POLR1A: variants seen among roughly 807,000 people sequenced by gnomAD.
POLR1A encodes RNA polymerase I subunit A, also known as DNA-directed RNA polymerase I subunit RPA1.
Under a neutral mutation model 205.3 loss-of-function variants are expected in POLR1A, and 84 were observed. That is an observed-to-expected ratio of 0.41 (90% confidence interval 0.34 to 0.49). The LOEUF is 0.49. POLR1A is among the 20% of genes least tolerant of loss of function. The pLI is 0.22. For synonymous variants in POLR1A, 799 were observed against 863.7 expected, an observed-to-expected ratio of 0.93 and a Z score of 1.31; for missense variants, 1,645 against 2,204.5, an observed-to-expected ratio of 0.75 and a Z score of 5.08.
At chr2:86,079,883 A>T (rs1451145053) in intron 9 of POLR1A, among the ~76,000 whole-genome samples, 1 of 152,164 alleles carries the variant, frequency 6.6e-6, no homozygotes. Context: ...TTTTTAAGGG[A>T]CATCAACCCT....
At chr2:86,092,483 G>A (rs892962363) in intron 3 of POLR1A, among the ~76,000 whole-genome samples, 1 of 152,236 alleles carries the variant, frequency 6.6e-6, no homozygotes, top group South Asian at 2.1e-4. Context: ...ACACTGCCCT[G>A]CTGGCATACT....
intron 3 of POLR1A, among the ~76,000 whole-genome samples, chr2:86,095,127 C>T (rs1161589086): frequency 1.3e-5 from 2 of 152,246 alleles, no homozygotes; most frequent in African/African-American, 4.8e-5. Context: ...TGCAGGGACA[C>T]CCTTCCCACG....
rs371198043 is a variant in POLR1A at position 86,031,391 on chromosome 2, C to A, written c.4517G>T (p.Arg1506Leu). ...GTCATCTATGAACGGGTGGATCTCA[C>A]GCACAGCCTGGACCCGGCGCTCCAT... is the stretch of plus-strand genomic sequence containing the variant. ...EAMERRVQAVREIHPFIDDYQ... is the reference protein window; with the variant it reads ...EAMERRVQAVLEIHPFIDDYQ... The change falls in exon 30 of 34, where the codon CGT becomes CTT. Residue 1506 changes from arginine (R) to leucine (L), a missense_variant. Arg to Leu is a moderately radical substitution (Grantham distance 102, BLOSUM62 -2). Coordinates refer to ENST00000263857, the MANE Select transcript of POLR1A (RefSeq NM_015425.6). 7.5e-6 allele frequency: 12 copies of A among 1,607,668 alleles called. No individual in the cohort carries two copies. The African/African-American group carries it at 1.5e-4, about 20-fold the overall frequency.
At chr2:86,102,323 T>A (rs570035829) in intron 1 of POLR1A, among the ~76,000 whole-genome samples, 20 of 152,362 alleles carry the variant, frequency 1.3e-4, no homozygotes, top group Admixed American at 6.5e-4. Flanking sequence ...TTTCTGATAG[T>A]AGCACCCTAC....
chr2:86,083,219 T>C (rs758740069), intron 6 of POLR1A, 51 bp from the exon 7 acceptor site: 1 of 1,233,354 alleles, frequency 8.1e-7, no homozygotes, highest in South Asian at 1.2e-5. Context: ...ACAGGTACTC[T>C]TTCTGCAATG....
At chr2:86,053,959 C>T (rs1029981963) in intron 15 of POLR1A, among the ~76,000 whole-genome samples, 181 bp downstream of exon 15, 2 of 152,206 alleles carry the variant, frequency 1.3e-5, no homozygotes, top group African/African-American at 2.4e-5. Flanking sequence ...GGGTCAAATG[C>T]TGGAGATCAA....
At chr2:86,066,293 G>C (rs918857) in intron 13 of POLR1A, among the ~76,000 whole-genome samples, 20,192 of 152,072 alleles carry the variant, frequency 0.13, 4,471 homozygotes, top group African/African-American at 0.46. Context: ...CACAGCACAG[G>C]GTTCATGGTG....
intron 3 of POLR1A, 50 bp downstream of exon 3, chr2:86,098,561 C>G: frequency 2.5e-6 from 4 of 1,590,380 alleles, no homozygotes; most frequent in Non-Finnish European, 3.4e-6. Flanking sequence ...CTCTTGTTCC[C>G]CACACCACTT....
At chr2:86,058,074 ACTCTACTCTACTCT>A (rs1256032068) in intron 14 of POLR1A, among the ~76,000 whole-genome samples, 1 of 151,654 alleles carries the variant, frequency 6.6e-6, no homozygotes, top group African/African-American at 2.4e-5. Flanking sequence ...ATGCCCAGCT[ACTCTACTCTACTCT>A]CTCTACTCTA....
At chr2:86,093,497 CT>C (rs1673646341) in intron 3 of POLR1A, among the ~76,000 whole-genome samples, 1 of 152,110 alleles carries the variant, frequency 6.6e-6, no homozygotes, top group Non-Finnish European at 1.5e-5. Flanking sequence ...CCTTCTAATC[CT>C]CAAACAACAT....
intron 12 of POLR1A, among the ~76,000 whole-genome samples, chr2:86,074,421 T>C (rs1031531701): frequency 6.6e-6 from 1 of 152,182 alleles, no homozygotes; most frequent in African/African-American, 2.4e-5. Flanking sequence ...TTAGGGGTCA[T>C]CTGCTACTCC....
Position 86,023,998 on chromosome 2 carries a change from C to G in POLR1A, c.*3425G>C, listed in dbSNP as rs1690208790. ...TCCTGACCTCAGATGATCTGCCCGC[C>G]TCGGCCTCCCAACGTATTGGGATTA... On this transcript the variant is annotated 3_prime_UTR_variant, in exon 34 of 34. Transcript: ENST00000263857. 6.6e-6 allele frequency: 1 copy of G among 152,426 alleles called. No homozygotes were observed. The highest frequency in any genetic ancestry group is 2.4e-5 in the African/African-American group (1 of 41,418). The allele number at this position is 152,426 out of a possible 1,614,324, so 9.4% of individuals were successfully genotyped here.
chr2:86,099,854 C>G (rs183949074), intron 2 of POLR1A, 114 bp downstream of exon 2: 12 of 778,286 alleles, frequency 1.5e-5, no homozygotes, highest in Non-Finnish European at 2.4e-5. Flanking sequence ...CTACAGAATG[C>G]TTTCATTGGA....
intron 16 of POLR1A, among the ~76,000 whole-genome samples, chr2:86,050,109 G>C (rs1304071031): frequency 6.6e-6 from 1 of 151,998 alleles, no homozygotes; most frequent in Non-Finnish European, 1.5e-5. Flanking sequence ...GTACAGACAG[G>C]GTTTCACCAC....
rs311574 is a variant in POLR1A at position 86,070,705 on chromosome 2, G to T, written c.1612-433C>A. 6.6e-3 allele frequency among the ~76,000 whole-genome samples: 548 copies of T among 82,670 alleles called. 4 individuals are homozygous for T. Among genetic ancestry groups the T allele is most frequent in the Middle Eastern group, 9.8e-3 (2 of 204 alleles). 54.2% of individuals were successfully genotyped at this position (82,670 alleles called of 152,430 possible). On this transcript the variant is annotated intron_variant, in intron 12 of 33. Transcript: ENST00000263857. This position sits in a 1 kb window ranked among gnomAD's most constrained non-coding sequence, Gnocchi z 4.4. Reference sequence around the variant, plus strand: ...TGGCAGACTTTCGAATCCCCCCCCCGCCGTGATCACATGTGAGTACATTAT... The same window carrying T: ...TGGCAGACTTTCGAATCCCCCCCCCTCCGTGATCACATGTGAGTACATTAT...
intron 23 of POLR1A, among the ~76,000 whole-genome samples, chr2:86,042,486 C>A (rs1672626991): frequency 6.6e-6 from 1 of 152,232 alleles, no homozygotes; most frequent in Non-Finnish European, 1.5e-5. Flanking sequence ...TGGATCCAGG[C>A]TCTTTCACAC....
At chr2:86,027,568 T>C (rs1157945784) in intron 33 of POLR1A, 45 bp from the exon 34 acceptor site, 11 of 1,534,646 alleles carry the variant, frequency 7.2e-6, no homozygotes, top group Admixed American at 1.7e-5. Context: ...GAGGTAGAAG[T>C]TGGGAATGTC....
intron 6 of POLR1A, among the ~76,000 whole-genome samples, chr2:86,085,190 T>A (rs1573830508): frequency 1.3e-5 from 2 of 152,272 alleles, no homozygotes; most frequent in East Asian, 3.9e-4. Flanking sequence ...CTGGATCTAC[T>A]GATCTTGCAA....
At position 86,070,277 on chromosome 2, in the gene POLR1A, G is replaced by A. The variant is rs188842106; in HGVS notation, c.1612-5C>T. 9.0e-4 allele frequency: 1,447 copies of A among 1,601,474 alleles called. 7 individuals are homozygous for A. Among genetic ancestry groups the A allele is most frequent in the South Asian group, 4.3e-3 (379 of 88,940 alleles). On this transcript the variant is annotated splice_region_variant and splice_polypyrimidine_tract_variant and intron_variant, in intron 12 of 33. Transcript: ENST00000263857. The surrounding 1 kb of genome is among the most constrained non-coding windows in gnomAD (Gnocchi z 4.4). ...ATTCTTCACATGCCGGCACACCTGG[G>A]AACAGAGTGGACAGGTGGGTGATCA...
Sources: allele counts gnomAD v4.1 joint callset (sites outside exome capture counted in the v4.1 genomes callset), GRCh38; gene constraint gnomAD v4.1.1; non-coding constraint Gnocchi (gnomAD v3.1); transcripts MANE v1.5; gene names NCBI Gene and HGNC (gene_info 2026-07-23, HGNC 2026-07-21).